Variants in ARID1B observed in about 807,000 individuals in gnomAD.
The protein encoded by ARID1B is AT-rich interactive domain-containing protein 1B.
ARID1B carries 30 observed loss-of-function variants against 212.3 expected under a neutral mutation model. The observed-to-expected ratio is 0.14, with a 90% CI of 0.11 to 0.19. The LOEUF is 0.19. Ranked by LOEUF, ARID1B falls within the 10% of genes least tolerant of loss-of-function variation. The pLI, the probability that ARID1B is intolerant of heterozygous loss-of-function variation, is 1.00. For missense variants in ARID1B, 2,891 were observed against 3,204.0 expected (o/e 0.90, Z 2.36); for synonymous variants, 1,402 against 1,301.7 (o/e 1.08, Z -1.66).
At chr6:156,997,675 G>C (rs1040893611) in intron 4 of ARID1B, among the ~76,000 whole-genome samples, 1 of 120,254 alleles carries the variant, frequency 8.3e-6, no homozygotes, top group South Asian at 2.6e-4. Flanking sequence ...TTTTTTTTTT[G>C]CTGTTATTTC....
At chr6:157,192,750 G>A (rs762670448) in intron 15 of ARID1B, among the ~76,000 whole-genome samples, 5 of 152,152 alleles carry the variant, frequency 3.3e-5, no homozygotes, top group Admixed American at 1.3e-4. Flanking sequence ...CTGCCTTACG[G>A]TATTGATGTA....
chr6:157,022,009 A>G (rs909521082), intron 4 of ARID1B, among the ~76,000 whole-genome samples: 64 of 152,130 alleles, frequency 4.2e-4, no homozygotes, highest in Non-Finnish European at 8.7e-4. Context: ...CCACCACCCA[A>G]ACTTAAAGGC....
chr6:157,122,872 G>A (rs369902166), intron 6 of ARID1B, among the ~76,000 whole-genome samples: 28 of 152,178 alleles, frequency 1.8e-4, no homozygotes, highest in African/African-American at 5.3e-4. Context: ...AGTAGAGACC[G>A]GGTTTCACCA....
intron 2 of ARID1B, among the ~76,000 whole-genome samples, chr6:156,875,570 C>T (rs1199716308): frequency 6.6e-6 from 1 of 152,154 alleles, no homozygotes; most frequent in Non-Finnish European, 1.5e-5. Context: ...CTGATAGAAC[C>T]TTAAAATTAT....
At chr6:156,896,721 A>C (rs1485566371) in intron 2 of ARID1B, among the ~76,000 whole-genome samples, 1 of 152,064 alleles carries the variant, frequency 6.6e-6, no homozygotes, top group Non-Finnish European at 1.5e-5. Context: ...TCTACTGAAA[A>C]TACAAAAATT....
chr6:157,043,919 T>C (rs1782050940), intron 4 of ARID1B, among the ~76,000 whole-genome samples: 1 of 152,256 alleles, frequency 6.6e-6, no homozygotes, highest in Admixed American at 6.5e-5. Context: ...TTCATATCAC[T>C]CTACTTCTTT....
intron 8 of ARID1B, among the ~76,000 whole-genome samples, chr6:157,158,493 G>A (rs925457793): frequency 3.3e-5 from 5 of 152,214 alleles, no homozygotes; most frequent in African/African-American, 1.2e-4. Flanking sequence ...AGGCATGAGA[G>A]TTAGATAGAA....
chr6:157,052,603 G>A (rs575149297), intron 4 of ARID1B, among the ~76,000 whole-genome samples: 17 of 152,332 alleles, frequency 1.1e-4, no homozygotes, highest in Non-Finnish European at 1.9e-4. Context: ...ATCTTGTAAA[G>A]CAAAACAGAA....
At chr6:157,088,678 T>G (rs926470880) in intron 5 of ARID1B, among the ~76,000 whole-genome samples, 1 of 152,196 alleles carries the variant, frequency 6.6e-6, no homozygotes, top group Non-Finnish European at 1.5e-5. Flanking sequence ...TGTTTTATAT[T>G]TACTTTCACC....
At chr6:156,837,546 T>C (rs549511513) in intron 2 of ARID1B, among the ~76,000 whole-genome samples, 1 of 152,362 alleles carries the variant, frequency 6.6e-6, no homozygotes, top group South Asian at 2.1e-4. Context: ...TTTATGTTAA[T>C]AGCCAGCCAA....
intron 8 of ARID1B, among the ~76,000 whole-genome samples, chr6:157,156,607 G>A (rs1364991409): frequency 1.3e-5 from 2 of 152,314 alleles, no homozygotes; most frequent in Admixed American, 6.5e-5. Context: ...AGACCTGGGA[G>A]GGACCGGAGA....
At position 156,779,120 on chromosome 6, in the gene ARID1B, G is replaced by A. The variant is rs1778973681; in HGVS notation, c.1440G>A (p.Ser480=). ...AASLSKAAAG[S]AAGGFQRFAG... ...GCCTCAGCAAGGCGGCCGCCGGCTCGGCGGCGGGGGGCTTCCAGCGCTTCG... is the reference window on the plus strand; with the variant it reads ...GCCTCAGCAAGGCGGCCGCCGGCTCAGCGGCGGGGGGCTTCCAGCGCTTCG... Residue 480 remains serine (S), a synonymous_variant, in exon 1 of 20, where the codon TCG becomes TCA. Transcript: ENST00000636930. The A allele has an allele frequency of 8.1e-7, 1 of 1,237,368 alleles. No homozygotes were observed. 76.6% of individuals were successfully genotyped at this position (1,237,368 alleles called of 1,614,324 possible). A position where few individuals can be genotyped will look rare whatever the true frequency, so the allele number is the denominator to read the frequency against.
At chr6:156,812,776 G>C (rs564260161) in intron 1 of ARID1B, among the ~76,000 whole-genome samples, 1 of 150,236 alleles carries the variant, frequency 6.7e-6, no homozygotes, top group Non-Finnish European at 1.5e-5. Flanking sequence ...GACCAGGCCC[G>C]CAGCCCCCAT....
intron 4 of ARID1B, among the ~76,000 whole-genome samples, chr6:157,039,882 T>TTTTCCTTC (rs1554287391): frequency 3.1e-4 from 21 of 67,288 alleles, no homozygotes; most frequent in African/African-American, 9.2e-4. Context: ...CTTTCTTTTC[T>TTTTCCTTC]CTTCCTTCCT....
At chr6:157,011,456 G>T (rs2128455486) in intron 4 of ARID1B, among the ~76,000 whole-genome samples, 1 of 152,260 alleles carries the variant, frequency 6.6e-6, no homozygotes, top group East Asian at 1.9e-4. Flanking sequence ...TGAAAAGAAA[G>T]CTTAATTGGT....
chr6:156,782,266 A>G (rs1314217175), intron 1 of ARID1B, among the ~76,000 whole-genome samples: 1 of 151,906 alleles, frequency 6.6e-6, no homozygotes, highest in Non-Finnish European at 1.5e-5. Context: ...GGCTTTTAAT[A>G]TGTTTTTAGT....
intron 17 of ARID1B, 139 bp downstream of exon 17, chr6:157,199,046 T>G: frequency 2.9e-6 from 2 of 697,198 alleles, no homozygotes; most frequent in Non-Finnish European, 4.5e-6. Context: ...AGGATATAGT[T>G]AATGCTAGAA....
chr6:156,871,555 G>A, intron 2 of ARID1B: 1 of 1,490,818 alleles, frequency 6.7e-7, no homozygotes, highest in Non-Finnish European at 9.3e-7. Flanking sequence ...GGCCAAGATG[G>A]GAATCCTGGA....
chr6:156,893,660 A>G (rs1788142898), intron 2 of ARID1B, among the ~76,000 whole-genome samples: 2 of 152,250 alleles, frequency 1.3e-5, no homozygotes, highest in South Asian at 2.1e-4. Context: ...TACATGGCCA[A>G]TAAGCACATG....
Sources: gnomAD v4.1 joint callset for allele counts (sites outside exome capture counted in the v4.1 genomes callset) on GRCh38, gnomAD v4.1.1 for gene constraint, MANE v1.5 for transcripts, NCBI Gene and HGNC (gene_info 2026-07-23, HGNC 2026-07-21) for gene names.